RMST: variants seen among roughly 807,000 people sequenced by gnomAD.
RMST encodes long intergenic non-protein coding RNA 54.
exon 10 of RMST, chr12:97,495,934 G>C (rs147472686): frequency 6.6e-6 from 1 of 152,164 alleles, no homozygotes; most frequent in East Asian, 1.9e-4. Flanking sequence ...ATTCCAGTTG[G>C]CAGTTAAAGA....
chr12:97,466,106 A>C (rs1395296355), intron 5 of RMST, among the ~76,000 whole-genome samples: 3 of 152,218 alleles, frequency 2.0e-5, no homozygotes, highest in African/African-American at 2.4e-5. Flanking sequence ...TTCTGGCTTG[A>C]AAATTCTTTA....
intron 10 of RMST, among the ~76,000 whole-genome samples, chr12:97,526,709 C>G (rs1439049689): frequency 6.6e-6 from 1 of 152,026 alleles, no homozygotes; most frequent in Non-Finnish European, 1.5e-5. Context: ...CTATTTATTA[C>G]TATTATTATT....
At chr12:97,561,849 T>A (rs1319027743) in intron 13 of RMST, among the ~76,000 whole-genome samples, 1 of 152,082 alleles carries the variant, frequency 6.6e-6, no homozygotes, top group African/African-American at 2.4e-5. Context: ...CCCTGAAATG[T>A]GTGTCCCAAA....
At chr12:97,559,232 G>A (rs1461105860) in intron 11 of RMST, among the ~76,000 whole-genome samples, 3 of 151,846 alleles carry the variant, frequency 2.0e-5, no homozygotes, top group East Asian at 1.9e-4. Context: ...TACTGTTATC[G>A]GAAATAAACT....
chr12:97,487,398 C>G (rs1425452464), intron 5 of RMST, among the ~76,000 whole-genome samples: 1 of 152,064 alleles, frequency 6.6e-6, no homozygotes, highest in African/African-American at 2.4e-5. Flanking sequence ...TAAGGAGTAT[C>G]CTTTCCAAAA....
exon 14 of RMST, chr12:97,564,153 A>G (rs1360091088): frequency 2.6e-5 from 8 of 304,414 alleles, no homozygotes; most frequent in Non-Finnish European, 3.9e-5. Flanking sequence ...ATTAAAGAAC[A>G]TGCTCTAGGG....
chr12:97,548,407 T>A lies in RMST; in HGVS notation n.1546-12130T>A, dbSNP rs189762043. Among the ~76,000 whole-genome samples, 18 of 152,240 alleles carry A rather than the reference T, an allele frequency of 1.2e-4. No individual in the cohort carries two copies. The East Asian group carries it at 3.5e-3, about 29-fold the overall frequency. ...TTGTGGTTCCATACAAATTTTAGGATTTTTTTCTGTTTCTGTAAAAATGCC... is the reference window on the plus strand; with the variant it reads ...TTGTGGTTCCATACAAATTTTAGGAATTTTTTCTGTTTCTGTAAAAATGCC... On this transcript the variant is annotated intron_variant and non_coding_transcript_variant, in intron 11 of 13. Coordinates refer to ENST00000640149, the Ensembl canonical transcript of RMST.
intron 10 of RMST, among the ~76,000 whole-genome samples, chr12:97,503,441 TA>T (rs753026124): frequency 7.9e-4 from 119 of 151,272 alleles, no homozygotes; most frequent in Admixed American, 2.9e-3. Context: ...TATTATTGTT[TA>T]TTTTTTTTAA....
chr12:97,503,234 A>C (rs757393235), intron 10 of RMST, among the ~76,000 whole-genome samples: 4 of 152,334 alleles, frequency 2.6e-5, no homozygotes, highest in Admixed American at 6.5e-5. Flanking sequence ...CAACTTTTAA[A>C]TAGGACTTTA....
At chr12:97,471,627 G>A (rs1415808157) in intron 5 of RMST, among the ~76,000 whole-genome samples, 3 of 152,058 alleles carry the variant, frequency 2.0e-5, no homozygotes, top group African/African-American at 7.2e-5. Context: ...AACTTTCTAT[G>A]GTGATTTCAT....
At chr12:97,513,246 G>T (rs1451770407) in intron 10 of RMST, among the ~76,000 whole-genome samples, 1 of 152,246 alleles carries the variant, frequency 6.6e-6, no homozygotes, top group Non-Finnish European at 1.5e-5. Flanking sequence ...CCCAGGCAGA[G>T]GAGGTGCCGA....
chr12:97,469,696 C>T (rs1428032568), intron 5 of RMST, among the ~76,000 whole-genome samples: 3 of 152,054 alleles, frequency 2.0e-5, no homozygotes, highest in Non-Finnish European at 4.4e-5. Context: ...TTATTCAACA[C>T]ATATTATTGA....
At chr12:97,480,214 C>T (rs183376769) in intron 5 of RMST, among the ~76,000 whole-genome samples, 133 of 151,956 alleles carry the variant, frequency 8.8e-4, no homozygotes, top group Non-Finnish European at 1.3e-3. Context: ...CTCAGCCTCC[C>T]GAGTAGCTGG....
intron 11 of RMST, among the ~76,000 whole-genome samples, chr12:97,550,633 C>T (rs572395934): frequency 6.6e-5 from 10 of 152,158 alleles, no homozygotes; most frequent in Non-Finnish European, 1.2e-4. Flanking sequence ...TTCCTGGCTC[C>T]ATAAGATAAA....
At chr12:97,511,692 A>C (rs1300478021) in intron 10 of RMST, among the ~76,000 whole-genome samples, 1 of 152,226 alleles carries the variant, frequency 6.6e-6, no homozygotes, top group African/African-American at 2.4e-5. Flanking sequence ...ACTATTTTGA[A>C]GAGTAAATGA....
chr12:97,529,975 G>T (rs1881485940), intron 10 of RMST, among the ~76,000 whole-genome samples: 1 of 151,992 alleles, frequency 6.6e-6, no homozygotes. Context: ...AATATGATTT[G>T]AACTTTTAGC....
At position 97,488,372 on chromosome 12, in the gene RMST, T is replaced by G. The variant is rs578192568; in HGVS notation, n.645-4089T>G. ...GATTCACATTGAGACACATTGATCG[T>G]GCCTTGTTTTCAGTCTACTCTCTTT... On this transcript the variant is annotated intron_variant and non_coding_transcript_variant, in intron 5 of 13. Coordinates refer to ENST00000640149, the Ensembl canonical transcript of RMST. 8.5e-5 allele frequency among the ~76,000 whole-genome samples: 13 copies of G among 152,308 alleles called. No homozygotes were observed. In the East Asian group the frequency reaches 2.3e-3, roughly 27 times the overall value.
chr12:97,542,040 T>C (rs966434662), intron 11 of RMST, among the ~76,000 whole-genome samples: 1 of 151,934 alleles, frequency 6.6e-6, no homozygotes, highest in African/African-American at 2.4e-5. Context: ...AAGAAACACA[T>C]TCATTCATGT....
chr12:97,463,735 T>A (rs1872850870), intron 4 of RMST, among the ~76,000 whole-genome samples: 1 of 152,212 alleles, frequency 6.6e-6, no homozygotes, highest in Admixed American at 6.5e-5. Context: ...AATATCTACG[T>A]GAGCTGTCAC....
Sources: allele counts gnomAD v4.1 joint callset (sites outside exome capture counted in the v4.1 genomes callset), GRCh38; gene constraint gnomAD v4.1.1; transcripts MANE v1.5; gene names NCBI Gene and HGNC (gene_info 2026-07-23, HGNC 2026-07-21).